SGIP1: variants seen among roughly 807,000 people sequenced by gnomAD.
SGIP1 encodes SH3-containing GRB2-like protein 3-interacting protein 1.
Under a neutral mutation model 107.5 loss-of-function variants are expected in SGIP1, and 38 were observed. That is an observed-to-expected ratio of 0.35 (90% CI 0.27 to 0.46). SGIP1 has a LOEUF of 0.46. Ranked by LOEUF, SGIP1 falls within the 20% of genes least tolerant of loss-of-function variation. The pLI is 1.00. For synonymous variants in SGIP1, 365 were observed against 366.1 expected, an observed-to-expected ratio of 1.00 and a Z score of 0.03; for missense variants, 929 against 1,019.5, an observed-to-expected ratio of 0.91 and a Z score of 1.21.
chr1:66,681,045 A>G (rs2086589057), intron 14 of SGIP1, among the ~76,000 whole-genome samples: 1 of 152,250 alleles, frequency 6.6e-6, no homozygotes, highest in Non-Finnish European at 1.5e-5. Flanking sequence ...CAACATATAG[A>G]TAAATATCAC....
chr1:66,678,496 G>A (rs1308846360), intron 13 of SGIP1, among the ~76,000 whole-genome samples: 1 of 152,120 alleles, frequency 6.6e-6, no homozygotes, highest in Non-Finnish European at 1.5e-5. Context: ...GTATTTTGTT[G>A]ATTATGACCT....
chr1:66,681,320 G>A (rs1180445150), intron 14 of SGIP1, among the ~76,000 whole-genome samples: 2 of 152,106 alleles, frequency 1.3e-5, no homozygotes, highest in Non-Finnish European at 2.9e-5. Context: ...AATACGATGT[G>A]ATCACTTCTT....
intron 1 of SGIP1, among the ~76,000 whole-genome samples, chr1:66,622,967 A>T (rs1025945409): frequency 6.6e-6 from 1 of 152,236 alleles, no homozygotes; most frequent in Admixed American, 6.5e-5. Context: ...GGATTATTGA[A>T]CATAGTCTCT....
At chr1:66,632,466 G>A (rs971135473) in intron 2 of SGIP1, among the ~76,000 whole-genome samples, 1 of 152,102 alleles carries the variant, frequency 6.6e-6, no homozygotes, top group African/African-American at 2.4e-5. Context: ...GGCAATTCAG[G>A]ACCATTCGCA....
intron 1 of SGIP1, among the ~76,000 whole-genome samples, chr1:66,580,027 T>C (rs550007700): frequency 6.6e-6 from 1 of 152,178 alleles, no homozygotes; most frequent in Non-Finnish European, 1.5e-5. Flanking sequence ...AGGCACAATA[T>C]ACACACATAT....
intron 1 of SGIP1, among the ~76,000 whole-genome samples, chr1:66,542,276 T>A (rs1425148222): frequency 6.6e-6 from 1 of 152,146 alleles, no homozygotes; most frequent in Admixed American, 6.6e-5. Flanking sequence ...AGTAGGAGAT[T>A]GGCGACAATA....
intron 19 of SGIP1, among the ~76,000 whole-genome samples, chr1:66,721,894 A>C (rs773049202): frequency 6.6e-6 from 1 of 152,104 alleles, no homozygotes; most frequent in Non-Finnish European, 1.5e-5. Flanking sequence ...GCACCCCTAC[A>C]AAGTCTCAAC....
intron 7 of SGIP1, among the ~76,000 whole-genome samples, chr1:66,658,575 T>A (rs891748206): frequency 1.3e-5 from 2 of 152,228 alleles, no homozygotes; most frequent in Admixed American, 1.3e-4. Flanking sequence ...AATGTTTCAA[T>A]GGCTCCCCAA....
At chr1:66,678,195 G>T (rs2085819689) in intron 13 of SGIP1, among the ~76,000 whole-genome samples, 1 of 152,214 alleles carries the variant, frequency 6.6e-6, no homozygotes, top group Admixed American at 6.5e-5. Context: ...TAGTGAAAAA[G>T]CTGTAACTTC....
intron 17 of SGIP1, among the ~76,000 whole-genome samples, chr1:66,693,634 C>T (rs1250030395): frequency 6.6e-6 from 1 of 152,264 alleles, no homozygotes; most frequent in Non-Finnish European, 1.5e-5. Flanking sequence ...ATGCATAAGA[C>T]CTGTGGCATT....
rs2094555644 is a variant in SGIP1 at position 66,746,563 on chromosome 1, G to A, written c.*3468G>A. ...GATATACAATAAAAACTGACAGAGTGTTTACCATGTACCAGTCACTAGAGA... is the reference window on the plus strand; with the variant it reads ...GATATACAATAAAAACTGACAGAGTATTTACCATGTACCAGTCACTAGAGA... On this transcript the variant is annotated 3_prime_UTR_variant, in exon 25 of 25. Transcript: ENST00000371037. The A allele has an allele frequency of 6.6e-6, 1 of 152,046 alleles. No individual in the cohort carries two copies. The highest frequency in any genetic ancestry group is 1.5e-5 in the Non-Finnish European group (1 of 67,950). The allele number at this position is 152,046 out of a possible 1,614,324, so 9.4% of individuals were successfully genotyped here. A position where few individuals can be genotyped will look rare whatever the true frequency, so the allele number is the denominator to read the frequency against.
intron 20 of SGIP1, among the ~76,000 whole-genome samples, chr1:66,730,474 G>C (rs1309392275): frequency 6.6e-6 from 1 of 152,092 alleles, no homozygotes; most frequent in Non-Finnish European, 1.5e-5. Flanking sequence ...ACCTCTCTCT[G>C]AAGTGGCCAC....
At chr1:66,632,985 G>T (rs2075090355) in intron 2 of SGIP1, 85 bp from the exon 3 acceptor site, 6 of 864,222 alleles carry the variant, frequency 6.9e-6, no homozygotes, top group Non-Finnish European at 1.2e-5. Flanking sequence ...GAGGATGGTG[G>T]TTATTGGTTC....
At chr1:66,688,189 C>G (rs2088919000) in intron 15 of SGIP1, among the ~76,000 whole-genome samples, 1 of 152,162 alleles carries the variant, frequency 6.6e-6, no homozygotes, top group Non-Finnish European at 1.5e-5. Context: ...TGATTTGAGA[C>G]CTGTGCTTCT....
intron 1 of SGIP1, among the ~76,000 whole-genome samples, chr1:66,616,432 A>G (rs1344985782): frequency 6.6e-6 from 1 of 151,808 alleles, no homozygotes; most frequent in African/African-American, 2.4e-5. Flanking sequence ...AGTGATGTAC[A>G]ATATATTTTA....
intron 1 of SGIP1, among the ~76,000 whole-genome samples, chr1:66,601,527 G>C (rs558668418): frequency 4.6e-5 from 7 of 152,210 alleles, no homozygotes; most frequent in Admixed American, 2.6e-4. Context: ...GCATGTGTGT[G>C]TGTGTGAGAG....
At chr1:66,544,173 C>T (rs1409056389) in intron 1 of SGIP1, among the ~76,000 whole-genome samples, 1 of 152,170 alleles carries the variant, frequency 6.6e-6, no homozygotes, top group African/African-American at 2.4e-5. Flanking sequence ...CATACTCTAT[C>T]ATCCTTTATT....
chr1:66,716,116 TA>T (rs2093225966), intron 18 of SGIP1, among the ~76,000 whole-genome samples: 1 of 152,154 alleles, frequency 6.6e-6, no homozygotes, highest in Non-Finnish European at 1.5e-5. Context: ...TGTCTGATGC[TA>T]AATCCCATGC....
chr1:66,679,851 A>G, intron 14 of SGIP1, 99 bp downstream of exon 14: 1 of 1,074,236 alleles, frequency 9.3e-7, no homozygotes, highest in Non-Finnish European at 1.3e-6. Context: ...AGGCTACACA[A>G]AAACATCACA....
Sources: gnomAD v4.1 joint callset for allele counts (sites outside exome capture counted in the v4.1 genomes callset) on GRCh38, gnomAD v4.1.1 for gene constraint, MANE v1.5 for transcripts, NCBI Gene and HGNC (gene_info 2026-07-23, HGNC 2026-07-21) for gene names.